The following KCNH8 variants were observed in gnomAD, a reference collection of about 807,000 sequenced individuals.
The protein encoded by KCNH8 is potassium voltage-gated channel subfamily H member 8, also known as voltage-gated delayed rectifier potassium channel KCNH8.
KCNH8 carries 70 observed loss-of-function variants against 103.6 expected under a neutral mutation model. That is an observed-to-expected ratio of 0.68 (90% CI 0.56 to 0.82). The LOEUF (loss-of-function observed/expected upper bound fraction) is 0.82, where lower values mean the gene tolerates loss of function less well. Among genes scored for constraint, KCNH8 ranks in the 40% least tolerant of loss-of-function variants. KCNH8 has a pLI of 0.00. For synonymous variants in KCNH8, 498 were observed against 489.4 expected (o/e 1.02, Z -0.23); for missense variants, 1,217 against 1,329.9 (o/e 0.92, Z 1.32).
intron 1 of KCNH8, among the ~76,000 whole-genome samples, chr3:19,230,612 T>TA (rs754331361): frequency 2.0e-5 from 3 of 152,224 alleles, no homozygotes; most frequent in Non-Finnish European, 4.4e-5. Context: ...AGCTGTACCT[T>TA]AAAAAACTTT....
At chr3:19,193,175 T>C (rs2063569753) in intron 1 of KCNH8, among the ~76,000 whole-genome samples, 1 of 151,728 alleles carries the variant, frequency 6.6e-6, no homozygotes, top group Admixed American at 6.6e-5. Context: ...TTTAATAGTT[T>C]AAAAAATATT....
chr3:19,322,661 C>T (rs1327985913), intron 3 of KCNH8, among the ~76,000 whole-genome samples: 2 of 152,176 alleles, frequency 1.3e-5, no homozygotes, highest in Non-Finnish European at 2.9e-5. Flanking sequence ...AACTTGATGA[C>T]TATGTGCCCA....
At chr3:19,349,035 T>G (rs780818561) in intron 5 of KCNH8, among the ~76,000 whole-genome samples, 26 of 151,984 alleles carry the variant, frequency 1.7e-4, no homozygotes, top group Non-Finnish European at 3.4e-4. Flanking sequence ...GCATCGTTAT[T>G]AACATTGTGT....
intron 2 of KCNH8, among the ~76,000 whole-genome samples, chr3:19,266,702 A>G (rs896853665): frequency 5.3e-5 from 8 of 152,114 alleles, no homozygotes; most frequent in East Asian, 1.9e-4. Context: ...TGCTGTTTCA[A>G]TTGAAGCCCT....
At chr3:19,285,199 T>C (rs914583151) in intron 3 of KCNH8, among the ~76,000 whole-genome samples, 4 of 151,920 alleles carry the variant, frequency 2.6e-5, no homozygotes, top group African/African-American at 9.7e-5. Flanking sequence ...TTAATGTAAG[T>C]TTAAAAGTGG....
chr3:19,467,816 A>T (rs1176746671), intron 11 of KCNH8, among the ~76,000 whole-genome samples: 1 of 152,140 alleles, frequency 6.6e-6, no homozygotes, highest in Non-Finnish European at 1.5e-5. Flanking sequence ...TTTTATCATA[A>T]CTTTCAAGGT....
At chr3:19,277,365 C>T (rs2064689124) in intron 2 of KCNH8, among the ~76,000 whole-genome samples, 1 of 151,994 alleles carries the variant, frequency 6.6e-6, no homozygotes, top group Non-Finnish European at 1.5e-5. Flanking sequence ...GAGTTTGAGA[C>T]CAGCGTGGGA....
Position 19,447,039 on chromosome 3 carries a change from A to C in KCNH8, c.1376-3067A>C, listed in dbSNP as rs150588870. ...AGACGCCCACACACTCAGCAGGTCT[A>C]ACACTCAAGAATTATATACATCAAA... On this transcript the variant is annotated intron_variant, in intron 8 of 15. Transcript: ENST00000328405. Among the ~76,000 whole-genome samples the C allele has an allele frequency of 1.2e-3, 184 of 152,168 alleles. 2 individuals are homozygous for C. Among genetic ancestry groups the C allele is most frequent in the African/African-American group, 4.1e-3 (172 of 41,554 alleles).
At chr3:19,355,933 G>T (rs1317450022) in intron 5 of KCNH8, among the ~76,000 whole-genome samples, 3 of 151,346 alleles carry the variant, frequency 2.0e-5, no homozygotes, top group Non-Finnish European at 2.9e-5. Context: ...AAATTTACAT[G>T]TATATTTAAC....
intron 5 of KCNH8, among the ~76,000 whole-genome samples, chr3:19,348,547 C>A (rs760686537): frequency 1.3e-5 from 2 of 152,068 alleles, no homozygotes; most frequent in Non-Finnish European, 2.9e-5. Context: ...GTTGAAGCTG[C>A]GTCTGTGCCA....
In KCNH8 at chr3:19,419,194, G is replaced by GTTTTTTTTTTTTTTTTTTTT. The variant is rs1491504046; in HGVS notation, c.1178-18970_1178-18969insTTTTTTTTTTTTTTTTTTTT. Among the ~76,000 whole-genome samples the GTTTTTTTTTTTTTTTTTTTT allele has an allele frequency of 1.1e-4, 7 of 64,118 alleles. 3 individuals are homozygous for GTTTTTTTTTTTTTTTTTTTT. Among genetic ancestry groups the GTTTTTTTTTTTTTTTTTTTT allele is most frequent in the African/African-American group, 2.1e-4 (3 of 14,056 alleles). The allele number at this position is 64,118 out of a possible 152,430, so 42.1% of individuals were successfully genotyped here. A position where few individuals can be genotyped will look rare whatever the true frequency, so the allele number is the denominator to read the frequency against. ...AAAAAGAAGTAATTAAAATGGTTTT[G>GTTTTTTTTTTTTTTTTTTTT]GTTTTTTTTTTTTTTTTTTTTTTGA... is the stretch of plus-strand genomic sequence containing the variant. On this transcript the variant is annotated intron_variant, in intron 7 of 15. Transcript: ENST00000328405.
chr3:19,502,216 G>T (rs1377688970), intron 11 of KCNH8, among the ~76,000 whole-genome samples: 5 of 151,024 alleles, frequency 3.3e-5, no homozygotes, highest in Non-Finnish European at 5.9e-5. Context: ...AACTTACAAG[G>T]GATGTGAAGG....
intron 8 of KCNH8, among the ~76,000 whole-genome samples, chr3:19,439,834 A>G (rs181897137): frequency 3.5e-4 from 54 of 152,272 alleles, no homozygotes; most frequent in African/African-American, 1.3e-3. Context: ...AAAATTGAAG[A>G]GAAAAAAGGG....
intron 15 of KCNH8, among the ~76,000 whole-genome samples, chr3:19,532,137 G>C (rs1313854013): frequency 6.6e-6 from 1 of 152,030 alleles, no homozygotes; most frequent in Non-Finnish European, 1.5e-5. Flanking sequence ...ATGCTGATGT[G>C]GTCGTTACGA....
chr3:19,200,331 T>G (rs1331848583), intron 1 of KCNH8, among the ~76,000 whole-genome samples: 1 of 152,124 alleles, frequency 6.6e-6, no homozygotes, highest in Non-Finnish European at 1.5e-5. Context: ...TTTTTATGTG[T>G]CTGTTTTTAA....
chr3:19,157,953 A>G (rs1386589361), intron 1 of KCNH8, among the ~76,000 whole-genome samples: 3 of 151,622 alleles, frequency 2.0e-5, no homozygotes, highest in Non-Finnish European at 4.4e-5. Flanking sequence ...CCCTGTTATG[A>G]TATCTAGATT....
intron 1 of KCNH8, among the ~76,000 whole-genome samples, chr3:19,222,630 T>G (rs2063888278): frequency 6.6e-6 from 1 of 152,128 alleles, no homozygotes; most frequent in African/African-American, 2.4e-5. Context: ...AGCTCACCCT[T>G]TAAATAAATT....
intron 3 of KCNH8, among the ~76,000 whole-genome samples, chr3:19,285,736 A>T (rs564364848): frequency 6.6e-6 from 1 of 151,792 alleles, no homozygotes; most frequent in African/African-American, 2.4e-5. Flanking sequence ...TAGGATTTAC[A>T]CTCATGCAGC....
chr3:19,200,420 C>A (rs1379662280), intron 1 of KCNH8, among the ~76,000 whole-genome samples: 1 of 151,548 alleles, frequency 6.6e-6, no homozygotes, highest in Non-Finnish European at 1.5e-5. Flanking sequence ...ACAAAATTGG[C>A]ATGTCTTCAA....
Sources: allele counts gnomAD v4.1 joint callset (sites outside exome capture counted in the v4.1 genomes callset), GRCh38; gene constraint gnomAD v4.1.1; transcripts MANE v1.5; gene names NCBI Gene and HGNC (gene_info 2026-07-23, HGNC 2026-07-21).